Variants in ESRRB observed in about 807,000 individuals in gnomAD.
ESRRB encodes the protein estrogen related receptor beta.
In ESRRB, 16 loss-of-function variants were observed where a neutral mutation model predicts 46.0. The ratio of observed to expected loss-of-function variants is 0.35; its 90% CI spans 0.24 to 0.53. ESRRB has a LOEUF of 0.53. ESRRB is among the 20% of genes least tolerant of loss of function. The pLI is 0.93. For missense variants in ESRRB, 488 were observed against 607.4 expected (o/e 0.80, Z 2.07); for synonymous variants, 246 against 259.6 (o/e 0.95, Z 0.50).
intron 1 of ESRRB, among the ~76,000 whole-genome samples, chr14:76,360,115 G>A (rs1236312658): frequency 6.6e-6 from 1 of 152,188 alleles, no homozygotes; most frequent in Non-Finnish European, 1.5e-5. Context: ...CTGTGCCAGG[G>A]ACTTCTCTTC....
intron 6 of ESRRB, among the ~76,000 whole-genome samples, chr14:76,497,104 G>GTCAGGAC (rs1257822748): frequency 6.6e-6 from 1 of 152,180 alleles, no homozygotes; most frequent in African/African-American, 2.4e-5. Context: ...GGAGTCAGGA[G>GTCAGGAC]CCCACATGGC....
At chr14:76,475,079 A>T (rs908469076) in intron 3 of ESRRB, among the ~76,000 whole-genome samples, 7 of 152,222 alleles carry the variant, frequency 4.6e-5, no homozygotes, top group South Asian at 2.1e-4. Context: ...AAAAATTTTT[A>T]AAAAATTATC....
intron 1 of ESRRB, among the ~76,000 whole-genome samples, chr14:76,430,671 G>A (rs1236266580): frequency 2.0e-5 from 3 of 152,216 alleles, no homozygotes; most frequent in Non-Finnish European, 2.9e-5. Context: ...TTTTACAGAT[G>A]AGGACCCTGA....
intron 1 of ESRRB, among the ~76,000 whole-genome samples, chr14:76,388,910 G>T (rs1242157380): frequency 3.9e-5 from 6 of 152,112 alleles, no homozygotes; most frequent in Non-Finnish European, 1.5e-5. Context: ...CCAAGTCTGA[G>T]TCTCAGTGCC....
At chr14:76,401,576 A>G (rs539613211) in intron 1 of ESRRB, among the ~76,000 whole-genome samples, 38 of 152,356 alleles carry the variant, frequency 2.5e-4, no homozygotes, top group Admixed American at 5.9e-4. Context: ...TCATAAGATT[A>G]TAACACTGCA....
chr14:76,396,697 A>C (rs969927812), intron 1 of ESRRB, among the ~76,000 whole-genome samples: 11 of 152,220 alleles, frequency 7.2e-5, no homozygotes, highest in African/African-American at 2.7e-4. Flanking sequence ...GGTCCCCTGC[A>C]GTGCACATGC....
At chr14:76,332,314 T>G (rs1884022956) in intron 1 of ESRRB, among the ~76,000 whole-genome samples, 1 of 148,516 alleles carries the variant, frequency 6.7e-6, no homozygotes. Flanking sequence ...AGCCACACTT[T>G]TAAAATTTTT....
intron 1 of ESRRB, among the ~76,000 whole-genome samples, chr14:76,363,693 T>C (rs1884490153): frequency 6.6e-6 from 1 of 152,180 alleles, no homozygotes; most frequent in Admixed American, 6.5e-5. Flanking sequence ...GTTCCTAAAG[T>C]CCTCTTATCC....
chr14:76,491,815 G>A, intron 6 of ESRRB, 99 bp downstream of exon 6: 3 of 1,345,468 alleles, frequency 2.2e-6, no homozygotes, highest in Non-Finnish European at 3.0e-6. Flanking sequence ...GGCTGCCATG[G>A]ATAGAGATGA....
At chr14:76,420,605 G>A (rs1332006038) in intron 1 of ESRRB, among the ~76,000 whole-genome samples, 1 of 146,978 alleles carries the variant, frequency 6.8e-6, no homozygotes, top group Non-Finnish European at 1.5e-5. Context: ...TTGTGTATGA[G>A]AGAGAGAGAG....
chr14:76,444,103 C>T (rs1455962333), intron 2 of ESRRB, among the ~76,000 whole-genome samples: 1 of 151,782 alleles, frequency 6.6e-6, no homozygotes, highest in African/African-American at 2.4e-5. Context: ...GCTCTGTTGC[C>T]CAGGCTGGAG....
At chr14:76,398,987 TA>T (rs368468370) in intron 1 of ESRRB, among the ~76,000 whole-genome samples, 1 of 152,034 alleles carries the variant, frequency 6.6e-6, no homozygotes, top group South Asian at 2.1e-4. Context: ...AGGGGTTTTT[TA>T]AATCCTCATT....
intron 1 of ESRRB, among the ~76,000 whole-genome samples, chr14:76,332,712 T>TTATATATTA (rs1486167417): frequency 1.2e-3 from 35 of 29,810 alleles, no homozygotes; most frequent in African/African-American, 5.1e-3. Context: ...TTATATATAT[T>TTATATATTA]TATATATTAT....
In ESRRB at chr14:76,351,986, TAAAAAA is replaced by T. The variant is rs201356393; in HGVS notation, c.2+41088_2+41093del. Among the ~76,000 whole-genome samples the T allele has an allele frequency of 9.8e-4, 90 of 91,776 alleles. 1 individual carries two copies. In the South Asian group the frequency reaches 0.017, roughly 17 times the overall value. 60.2% of individuals were successfully genotyped at this position (91,776 alleles called of 152,430 possible). A position where few individuals can be genotyped will look rare whatever the true frequency, so the allele number is the denominator to read the frequency against. ...GGAGACAGAGTGAGACCCAGTCTCT[TAAAAAA>T]AAAAAAAAAAAAAAAAAGCAAACTC... On this transcript the variant is annotated intron_variant, in intron 1 of 6. Transcript: ENST00000512784.
chr14:76,439,316 C>T (rs763687043), intron 1 of ESRRB, 25 bp from the exon 2 acceptor site: 3 of 1,613,506 alleles, frequency 1.9e-6, no homozygotes, highest in East Asian at 2.2e-5. Context: ...CTTGCTGGGG[C>T]TGACTTCCCG....
intron 1 of ESRRB, among the ~76,000 whole-genome samples, chr14:76,359,861 T>C (rs997455596): frequency 1.3e-5 from 2 of 152,136 alleles, no homozygotes; most frequent in African/African-American, 4.8e-5. Flanking sequence ...TTGCTGGGAC[T>C]CTTGGGAGTG....
At chr14:76,398,591 G>A (rs1445492882) in intron 1 of ESRRB, among the ~76,000 whole-genome samples, 1 of 152,170 alleles carries the variant, frequency 6.6e-6, no homozygotes, top group Non-Finnish European at 1.5e-5. Context: ...GGGTAGGGCT[G>A]TGGGGGAAGG....
intron 1 of ESRRB, among the ~76,000 whole-genome samples, chr14:76,432,115 A>G (rs997798136): frequency 3.3e-5 from 5 of 152,034 alleles, no homozygotes; most frequent in African/African-American, 1.2e-4. Flanking sequence ...CTCTTCCCTC[A>G]TACTTCTAAG....
At chr14:76,384,519 G>A (rs555908508) in intron 1 of ESRRB, among the ~76,000 whole-genome samples, 12 of 152,306 alleles carry the variant, frequency 7.9e-5, no homozygotes, top group African/African-American at 2.6e-4. Context: ...GAACAGGCAG[G>A]TAGAGGAGAA....
Sources: allele counts gnomAD v4.1 joint callset (sites outside exome capture counted in the v4.1 genomes callset), GRCh38; gene constraint gnomAD v4.1.1; transcripts MANE v1.5; gene names NCBI Gene and HGNC (gene_info 2026-07-23, HGNC 2026-07-21).